The following RNF217 variants were observed in gnomAD, a reference collection of about 807,000 sequenced individuals.
The protein encoded by RNF217 is E3 ubiquitin-protein ligase RNF217.
RNF217 carries 31 observed loss-of-function variants against 57.8 expected under a neutral mutation model. The observed-to-expected ratio is 0.54, with a 90% confidence interval of 0.40 to 0.72. The LOEUF (loss-of-function observed/expected upper bound fraction) is 0.72. RNF217 is among the 30% of genes least tolerant of loss of function. RNF217 has a pLI of 0.00. For synonymous variants in RNF217, 313 were observed against 294.0 expected (o/e 1.06, Z -0.66); for missense variants, 696 against 708.3 (o/e 0.98, Z 0.20).
intron 5 of RNF217, chr6:125,082,329 C>T (rs768938424): frequency 6.2e-5 from 62 of 1,003,490 alleles, no homozygotes; most frequent in Non-Finnish European, 7.9e-5. Flanking sequence ...CGTATGTCAA[C>T]TTGGGTTTAG....
intron 2 of RNF217, among the ~76,000 whole-genome samples, chr6:125,055,944 G>A (rs1183024493): frequency 6.6e-6 from 1 of 152,054 alleles, no homozygotes; most frequent in African/African-American, 2.4e-5. Flanking sequence ...AAGGAAAACA[G>A]TTATTTTAAA....
chr6:125,024,667 C>A (rs1299712681), intron 1 of RNF217, among the ~76,000 whole-genome samples: 7 of 149,920 alleles, frequency 4.7e-5, no homozygotes, highest in Non-Finnish European at 1.0e-4. Context: ...TCGCAGTGAG[C>A]CAAGATCATG....
intron 1 of RNF217, among the ~76,000 whole-genome samples, chr6:124,992,988 A>G (rs968255979): frequency 8.5e-5 from 13 of 152,190 alleles, no homozygotes; most frequent in African/African-American, 2.9e-4. Flanking sequence ...ATATTTGTTC[A>G]TTTTATAGAC....
chr6:125,067,960 G>C (rs1195196140), intron 3 of RNF217, among the ~76,000 whole-genome samples: 2 of 152,168 alleles, frequency 1.3e-5, no homozygotes, highest in East Asian at 1.9e-4. Context: ...TCAAAGGTCA[G>C]TAAGGAGGTA....
At chr6:125,032,098 C>G (rs919036960) in intron 1 of RNF217, among the ~76,000 whole-genome samples, 3 of 151,894 alleles carry the variant, frequency 2.0e-5, no homozygotes, top group African/African-American at 7.3e-5. Context: ...AAAGACCGGC[C>G]CCCCATGATT....
intron 1 of RNF217, among the ~76,000 whole-genome samples, chr6:124,979,503 G>A (rs527247702): frequency 1.3e-5 from 2 of 152,258 alleles, no homozygotes; most frequent in Admixed American, 6.5e-5. Context: ...AGATACCAGC[G>A]TGGCGCAGAG....
intron 5 of RNF217, 198 bp from the exon 6 acceptor site, chr6:125,082,666 A>T: frequency 6.6e-7 from 1 of 1,510,546 alleles, no homozygotes; most frequent in South Asian, 1.3e-5. Context: ...AACTGGTATC[A>T]CTGAGGGTGC....
chr6:124,997,315 A>G (rs562734816), intron 1 of RNF217, among the ~76,000 whole-genome samples: 97 of 152,306 alleles, frequency 6.4e-4, no homozygotes, highest in African/African-American at 2.1e-3. Flanking sequence ...TTGTATTACA[A>G]TCCTGGTGCT....
intron 1 of RNF217, among the ~76,000 whole-genome samples, chr6:125,023,829 A>T (rs1785953993): frequency 1.3e-5 from 2 of 152,208 alleles, no homozygotes; most frequent in Admixed American, 1.3e-4. Flanking sequence ...GCACAGAAAG[A>T]CAAATGCCAC....
intron 3 of RNF217, among the ~76,000 whole-genome samples, chr6:125,070,875 A>C (rs966785547): frequency 6.6e-6 from 1 of 152,202 alleles, no homozygotes; most frequent in African/African-American, 2.4e-5. Context: ...ATAACAGTCA[A>C]CTTAGTTATC....
intron 1 of RNF217, among the ~76,000 whole-genome samples, chr6:125,044,864 A>G (rs1279544770): frequency 6.6e-6 from 1 of 152,070 alleles, no homozygotes; most frequent in Admixed American, 6.6e-5. Flanking sequence ...CAGTTCTTGC[A>G]GTTGGTGCAT....
chr6:125,074,725 T>G (rs1370793463), intron 3 of RNF217, among the ~76,000 whole-genome samples: 1 of 152,144 alleles, frequency 6.6e-6, no homozygotes, highest in Admixed American at 6.6e-5. Context: ...CAGTTATAAC[T>G]ACACTACTTC....
intron 1 of RNF217, among the ~76,000 whole-genome samples, chr6:124,987,421 T>C (rs1784402400): frequency 6.6e-6 from 1 of 152,126 alleles, no homozygotes; most frequent in Admixed American, 6.6e-5. Context: ...AAACCATGAA[T>C]CTAGTTTCTG....
At chr6:125,061,258 A>G (rs1787722668) in intron 3 of RNF217, among the ~76,000 whole-genome samples, 1 of 152,110 alleles carries the variant, frequency 6.6e-6, no homozygotes, top group Non-Finnish European at 1.5e-5. Flanking sequence ...TTGCTTTCTA[A>G]AAGGAATGAA....
intron 1 of RNF217, among the ~76,000 whole-genome samples, chr6:124,984,668 G>A (rs1784310590): frequency 6.6e-6 from 1 of 151,958 alleles, no homozygotes; most frequent in South Asian, 2.1e-4. Context: ...ATCATATGGA[G>A]AAATGAAGTC....
chr6:125,009,570 A>G (rs1785341832), intron 1 of RNF217: 1 of 324,658 alleles, frequency 3.1e-6, no homozygotes, highest in Non-Finnish European at 5.6e-6. Context: ...GCAGCTGACT[A>G]TTCTATTGCA....
chr6:125,064,775 T>A (rs568626847), intron 3 of RNF217, among the ~76,000 whole-genome samples: 1 of 152,238 alleles, frequency 6.6e-6, no homozygotes, highest in South Asian at 2.1e-4. Context: ...TTTTTATATG[T>A]ATATCACATG....
At chr6:124,986,525 T>C (rs1784368132) in intron 1 of RNF217, among the ~76,000 whole-genome samples, 1 of 152,240 alleles carries the variant, frequency 6.6e-6, no homozygotes, top group Non-Finnish European at 1.5e-5. Context: ...CCTATCTTTA[T>C]GTTAGTAATC....
Position 124,998,351 on chromosome 6 carries a change from G to A in RNF217, c.882+34925G>A, listed in dbSNP as rs571793173. ...GAGGTACAAACTGCTGTGGGATATGGACAAGGGGAAGTGAAGACGAATTCA... is the reference window on the plus strand; with the variant it reads ...GAGGTACAAACTGCTGTGGGATATGAACAAGGGGAAGTGAAGACGAATTCA... On this transcript the variant is annotated intron_variant, in intron 1 of 5. Transcript: ENST00000521654. Among the ~76,000 whole-genome samples, 26 of 152,254 alleles carry A rather than the reference G, an allele frequency of 1.7e-4. No homozygotes were observed. In the South Asian group the frequency reaches 3.7e-3, roughly 22 times the overall value.
Sources: gnomAD v4.1 joint callset for allele counts (sites outside exome capture counted in the v4.1 genomes callset) on GRCh38, gnomAD v4.1.1 for gene constraint, MANE v1.5 for transcripts, NCBI Gene and HGNC (gene_info 2026-07-23, HGNC 2026-07-21) for gene names.